Variants in CYP7B1 observed in about 807,000 individuals in gnomAD.
The protein encoded by CYP7B1 is cytochrome P450 7B1.
Under a neutral mutation model 42.7 loss-of-function variants are expected in CYP7B1, and 29 were observed. The ratio of observed to expected loss-of-function variants is 0.68; its 90% CI spans 0.51 to 0.93. The LOEUF (loss-of-function observed/expected upper bound fraction) is 0.93, where lower values mean the gene tolerates loss of function less well. Among genes scored for constraint, CYP7B1 ranks in the 40% least tolerant of loss-of-function variants. The probability of loss-of-function intolerance (pLI) is 0.00; values close to 1 mark genes in which losing one functional copy is unlikely to be tolerated. For missense variants in CYP7B1, 655 were observed against 600.5 expected, an observed-to-expected ratio of 1.09 and a Z score of -0.95; for synonymous variants, 235 against 218.2, an observed-to-expected ratio of 1.08 and a Z score of -0.68.
At chr8:64,684,111 GGGCACA>G (rs1320455635) in intron 1 of CYP7B1, among the ~76,000 whole-genome samples, 3 of 152,206 alleles carry the variant, frequency 2.0e-5, no homozygotes, top group Non-Finnish European at 4.4e-5. Context: ...AACCCCATGA[GGGCACA>G]GGCTCTGACC....
chr8:64,665,559 G>GTTTTTTTTTTTTTTTTTTTTT (rs540578806), intron 1 of CYP7B1, among the ~76,000 whole-genome samples: 2 of 52,022 alleles, frequency 3.8e-5, no homozygotes, highest in Non-Finnish European at 6.4e-5. Context: ...TTTTTTGGTG[G>GTTTTTTTTTTTTTTTTTTTTT]TTTTTTTTTT....
At chr8:64,751,431 AT>A (rs1356539902) in intron 1 of CYP7B1, among the ~76,000 whole-genome samples, 1 of 152,174 alleles carries the variant, frequency 6.6e-6, no homozygotes, top group African/African-American at 2.4e-5. Context: ...ATATAATTCC[AT>A]TTTAGGGATA....
intron 1 of CYP7B1, among the ~76,000 whole-genome samples, chr8:64,624,932 C>T (rs976914315): frequency 2.0e-5 from 3 of 146,550 alleles, no homozygotes; most frequent in African/African-American, 7.9e-5. Context: ...ACTGAGTCCC[C>T]AAAGTCCATT....
At chr8:64,748,055 G>A (rs889632769) in intron 1 of CYP7B1, among the ~76,000 whole-genome samples, 6 of 152,250 alleles carry the variant, frequency 3.9e-5, no homozygotes, top group Admixed American at 2.0e-4. Context: ...TGGGGACAAC[G>A]AGAAGATTTT....
At chr8:64,742,537 CA>C (rs1807585434) in intron 1 of CYP7B1, among the ~76,000 whole-genome samples, 1 of 152,162 alleles carries the variant, frequency 6.6e-6, no homozygotes, top group Non-Finnish European at 1.5e-5. Context: ...GCTGCCATAA[CA>C]AAACACTACA....
intron 1 of CYP7B1, among the ~76,000 whole-genome samples, chr8:64,695,423 A>C (rs1175005260): frequency 6.6e-6 from 1 of 152,104 alleles, no homozygotes; most frequent in Non-Finnish European, 1.5e-5. Flanking sequence ...TCATTTCCAG[A>C]TTACAAAACC....
intron 1 of CYP7B1, among the ~76,000 whole-genome samples, chr8:64,726,062 C>T (rs1315410868): frequency 6.6e-6 from 1 of 152,080 alleles, no homozygotes; most frequent in East Asian, 1.9e-4. Context: ...ATTAAACTGG[C>T]CCACTGGAGT....
rs368831282 is a variant in CYP7B1, at chr8:64,680,405, C to T, written c.123-55866G>A. 2.0e-5 allele frequency among the ~76,000 whole-genome samples: 3 copies of T among 152,172 alleles called. No homozygotes were observed. The East Asian group carries it at 5.8e-4, about 29-fold the overall frequency. ...CCCTCATCCTCTCACTGGAGGAAAA[C>T]GCAACAGTCCCTACCCAAACCAGGT... On this transcript the variant is annotated intron_variant, in intron 1 of 5. Coordinates refer to ENST00000310193, the MANE Select transcript of CYP7B1 (RefSeq NM_004820.5).
In CYP7B1 at chr8:64,615,899, A is replaced by G; in HGVS notation, c.642T>C (p.Asp214=). 2 of 1,613,664 alleles carry G rather than the reference A, an allele frequency of 1.2e-6. No individual in the cohort carries two copies. The highest frequency in any genetic ancestry group is 1.1e-5 in the South Asian group (1 of 91,054). ...DNNKFISELR[D]DFLKFDDKFA... is the part of the protein sequence containing the mutation. ...ACTTGTCATCAAATTTTAAAAAATCATCTCTTAGCTCACTAATAAATTTGT... is the reference window on the plus strand; with the variant it reads ...ACTTGTCATCAAATTTTAAAAAATCGTCTCTTAGCTCACTAATAAATTTGT... Residue 214 remains aspartate (D), a synonymous_variant, in exon 3 of 6, where the codon GAT becomes GAC. Transcript: ENST00000310193.
chr8:64,695,758 T>C (rs1220698677), intron 1 of CYP7B1, among the ~76,000 whole-genome samples: 1 of 152,166 alleles, frequency 6.6e-6, no homozygotes, highest in African/African-American at 2.4e-5. Context: ...TCTCTTGGGC[T>C]TGGCATTCCT....
At chr8:64,748,590 C>G (rs769744278) in intron 1 of CYP7B1, among the ~76,000 whole-genome samples, 6 of 152,220 alleles carry the variant, frequency 3.9e-5, no homozygotes, top group Non-Finnish European at 8.8e-5. Context: ...TAGCTTTCCT[C>G]TGACTTTCAC....
At chr8:64,621,873 C>T (rs1032857317) in intron 2 of CYP7B1, among the ~76,000 whole-genome samples, 1 of 151,300 alleles carries the variant, frequency 6.6e-6, no homozygotes, top group Non-Finnish European at 1.5e-5. Flanking sequence ...GTAGCTGGGA[C>T]TACAGGCACA....
chr8:64,731,548 AATG>A (rs1563408122), intron 1 of CYP7B1, among the ~76,000 whole-genome samples: 1 of 152,220 alleles, frequency 6.6e-6, no homozygotes, highest in Non-Finnish European at 1.5e-5. Flanking sequence ...TCTGCAGCCT[AATG>A]ATGAGATATA....
At position 64,788,945 on chromosome 8, in the gene CYP7B1, C is replaced by G. The variant is rs13263496; in HGVS notation, c.122+9521G>C. Reference sequence around the variant, plus strand: ...CACTCTTTTTTCTTATTTTCAGATGCAGTCTCACTCTGTCGCCCAGCCTGG... The same window carrying G: ...CACTCTTTTTTCTTATTTTCAGATGGAGTCTCACTCTGTCGCCCAGCCTGG... On this transcript the variant is annotated intron_variant, in intron 1 of 5. Transcript: ENST00000310193. Among the ~76,000 whole-genome samples the G allele has an allele frequency of 2.6e-5, 4 of 152,122 alleles. No homozygotes were observed. The East Asian group carries it at 7.7e-4, about 29-fold the overall frequency.
At chr8:64,788,120 T>C (rs1025653423) in intron 1 of CYP7B1, among the ~76,000 whole-genome samples, 2 of 152,176 alleles carry the variant, frequency 1.3e-5, no homozygotes, top group African/African-American at 4.8e-5. Context: ...CATTAGACAT[T>C]TGTCAAAACC....
chr8:64,640,715 CA>C (rs1283294296), intron 1 of CYP7B1, among the ~76,000 whole-genome samples: 1 of 152,052 alleles, frequency 6.6e-6, no homozygotes, highest in Non-Finnish European at 1.5e-5. Context: ...CATACAGCAT[CA>C]AATAAGCAAA....
chr8:64,646,779 C>A (rs1014900184), intron 1 of CYP7B1, among the ~76,000 whole-genome samples: 1 of 152,230 alleles, frequency 6.6e-6, no homozygotes, highest in African/African-American at 2.4e-5. Context: ...CTGCCCTTGA[C>A]TAGCTTAGGG....
intron 1 of CYP7B1, among the ~76,000 whole-genome samples, chr8:64,790,661 C>G (rs923580539): frequency 1.3e-5 from 2 of 152,118 alleles, no homozygotes; most frequent in Non-Finnish European, 2.9e-5. Flanking sequence ...TTTAACTAAC[C>G]ATCACTCCTA....
chr8:64,732,761 G>C (rs1235820098), intron 1 of CYP7B1: 1 of 152,154 alleles, frequency 6.6e-6, no homozygotes, highest in Non-Finnish European at 1.5e-5. Flanking sequence ...GATCATGGGG[G>C]CAGTCCCCTC....
Sources: gnomAD v4.1 joint callset for allele counts (sites outside exome capture counted in the v4.1 genomes callset) on GRCh38, gnomAD v4.1.1 for gene constraint, MANE v1.5 for transcripts, NCBI Gene and HGNC (gene_info 2026-07-23, HGNC 2026-07-21) for gene names.